Variants in TRIO observed in about 807,000 individuals in gnomAD.
The protein encoded by TRIO is trio Rho guanine nucleotide exchange factor.
TRIO carries 58 observed loss-of-function variants against 351.9 expected under a neutral mutation model. The ratio of observed to expected loss-of-function variants is 0.16; its 90% CI spans 0.13 to 0.21. The LOEUF (loss-of-function observed/expected upper bound fraction) is 0.21, where lower values mean the gene tolerates loss of function less well. TRIO is among the 10% of genes least tolerant of loss of function. The pLI, the probability that TRIO is intolerant of heterozygous loss-of-function variation, is 1.00. For missense variants in TRIO, 3,201 were observed against 4,027.8 expected (o/e 0.79, Z 5.56); for synonymous variants, 1,758 against 1,595.7 (o/e 1.10, Z -2.42).
rs77802552 is a variant in TRIO at position 14,448,165 on chromosome 5, C to T, written c.5204-12854C>T. 1.1e-3 allele frequency among the ~76,000 whole-genome samples: 173 copies of T among 152,210 alleles called. 1 individual carries two copies. The highest frequency in any genetic ancestry group is 3.7e-3 in the African/African-American group (152 of 41,524). ...ATAATCTTTCTTTGTATGAGTAATA[C>T]GAATCTTGGGTAATTTTGTGAAAAG... On this transcript the variant is annotated intron_variant, in intron 34 of 56. Transcript: ENST00000344204.
chr5:14,395,035 A>G (rs1350463247), intron 28 of TRIO, among the ~76,000 whole-genome samples: 2 of 152,208 alleles, frequency 1.3e-5, no homozygotes, highest in Admixed American at 6.5e-5. Flanking sequence ...GGACTGCCCT[A>G]GGCTCGACAA....
At chr5:14,465,186 T>G (rs1180085913) in intron 36 of TRIO, among the ~76,000 whole-genome samples, 24 of 152,180 alleles carry the variant, frequency 1.6e-4, no homozygotes, top group Middle Eastern at 3.2e-3. Context: ...TAGGTCAGAT[T>G]CTCTATTCCT....
intron 1 of TRIO, among the ~76,000 whole-genome samples, chr5:14,170,814 A>G (rs1198710676): frequency 6.6e-6 from 1 of 152,178 alleles, no homozygotes; most frequent in Non-Finnish European, 1.5e-5. Flanking sequence ...TCGAGATGTA[A>G]TATATTCTCT....
In TRIO at chr5:14,369,495, A is replaced by G; in HGVS notation, c.3188A>G (p.His1063Arg). Residue 1063 changes from histidine to arginine, a missense_variant, in exon 18 of 57, where the codon CAC becomes CGC. Coordinates refer to ENST00000344204, the MANE Select transcript of TRIO (RefSeq NM_007118.4). ...TDHVTPMISK[H>R]LEQKEAFLKA... Reference sequence around the variant, plus strand: ...CACGTGACGCCCATGATCAGCAAGCACCTGGAGCAGAAGGAGGCATTCCTG... The same window carrying G: ...CACGTGACGCCCATGATCAGCAAGCGCCTGGAGCAGAAGGAGGCATTCCTG... 1 of 1,614,074 alleles carries G rather than the reference A, an allele frequency of 6.2e-7. No individual in the cohort carries two copies. Among genetic ancestry groups the G allele is most frequent in the Non-Finnish European group, 8.5e-7 (1 of 1,180,018 alleles).
At chr5:14,144,958 C>T (rs1439608587) in intron 1 of TRIO, among the ~76,000 whole-genome samples, 2 of 151,978 alleles carry the variant, frequency 1.3e-5, no homozygotes, top group Admixed American at 6.5e-5. Flanking sequence ...CAGTCCTTAG[C>T]GGGCCGGGCA....
At chr5:14,183,880 C>T (rs958987703) in intron 1 of TRIO, 1 of 687,520 alleles carries the variant, frequency 1.5e-6, no homozygotes, top group African/African-American at 1.8e-5. Flanking sequence ...CAGATAGTGA[C>T]TGTTTTACTT....
intron 1 of TRIO, among the ~76,000 whole-genome samples, chr5:14,221,612 G>A (rs1407614692): frequency 6.6e-6 from 1 of 152,180 alleles, no homozygotes; most frequent in Non-Finnish European, 1.5e-5. Flanking sequence ...GCACTTCAGT[G>A]GAAGAAGTAA....
At chr5:14,488,424 GGC>G in intron 48 of TRIO, 164 bp downstream of exon 48, 2 of 1,040,660 alleles carry the variant, frequency 1.9e-6, no homozygotes, top group South Asian at 3.5e-5. Context: ...GCCGGCCCAC[GGC>G]GCTACTAACT....
chr5:14,293,927 T>C lies in TRIO; in HGVS notation c.1176+793T>C, dbSNP rs75773865. On this transcript the variant is annotated intron_variant, in intron 6 of 56. Coordinates refer to ENST00000344204, the MANE Select transcript of TRIO (RefSeq NM_007118.4). ...CTTTAAGCCAGCCTTGTGAGGATTG[T>C]CCACTCTTAAACCTTGTAACGTTTG... 2.0e-3 allele frequency among the ~76,000 whole-genome samples: 306 copies of C among 152,186 alleles called. 12 individuals are homozygous for C. The East Asian group carries it at 0.052, about 26-fold the overall frequency.
intron 11 of TRIO, among the ~76,000 whole-genome samples, chr5:14,349,882 T>G (rs1742890894): frequency 1.3e-5 from 2 of 152,306 alleles, no homozygotes; most frequent in South Asian, 4.1e-4. Context: ...CCTCCCAGCC[T>G]CCACCTTCAA....
At chr5:14,506,819 C>G (rs1404032649) in intron 55 of TRIO, among the ~76,000 whole-genome samples, 5 of 152,212 alleles carry the variant, frequency 3.3e-5, no homozygotes, top group African/African-American at 1.2e-4. Context: ...GCCTGCTGCA[C>G]CTGGCACTGC....
intron 1 of TRIO, among the ~76,000 whole-genome samples, chr5:14,237,711 C>T (rs191412626): frequency 2.6e-5 from 4 of 152,318 alleles, no homozygotes; most frequent in South Asian, 2.1e-4. Context: ...AATGCCTTAA[C>T]GCCCAGGCTC....
chr5:14,365,443 T>G (rs1322033035), intron 15 of TRIO, among the ~76,000 whole-genome samples: 4 of 152,144 alleles, frequency 2.6e-5, no homozygotes, highest in African/African-American at 9.7e-5. Context: ...CTCTGGACCA[T>G]GAGCAGGAGG....
In TRIO at chr5:14,497,035, C is replaced by G. The variant is rs2126677730; in HGVS notation, c.8019+18C>G. 1 of 1,613,228 alleles carries G rather than the reference C, an allele frequency of 6.2e-7. No homozygotes were observed. The highest frequency in any genetic ancestry group is 2.2e-5 in the East Asian group (1 of 44,860). Reference sequence around the variant, plus strand: ...CTGTGAAGGTGTGTTCGGGGGTCTTCAGGAGTCCGTGTCATCCCAGCATGA... The same window carrying G: ...CTGTGAAGGTGTGTTCGGGGGTCTTGAGGAGTCCGTGTCATCCCAGCATGA... On this transcript the variant is annotated intron_variant, in intron 50 of 56. Coordinates refer to ENST00000344204, the MANE Select transcript of TRIO (RefSeq NM_007118.4). This position sits in a 1 kb window ranked among gnomAD's most constrained non-coding sequence, Gnocchi z 4.4.
chr5:14,478,786 CAAAAAA>C (rs1187243670), intron 41 of TRIO, among the ~76,000 whole-genome samples: 5 of 94,970 alleles, frequency 5.3e-5, no homozygotes, highest in African/African-American at 2.0e-4. Flanking sequence ...TCCATCCCTA[CAAAAAA>C]AAAAAAAAAA....
Position 14,508,071 on chromosome 5 carries a change from C to G in TRIO, c.8943C>G (p.Leu2981=), listed in dbSNP as rs1169629817. The G allele has an allele frequency of 1.9e-6, 3 of 1,614,080 alleles. No homozygotes were observed. The highest frequency in any genetic ancestry group is 2.5e-6 in the Non-Finnish European group (3 of 1,180,038). Residue 2981 remains leucine, a synonymous_variant, in exon 57 of 57, where the codon CTC becomes CTG. Coordinates refer to ENST00000344204, the MANE Select transcript of TRIO (RefSeq NM_007118.4). The part of the protein sequence containing the change: ...LTSDTWSVGV[L]TYVLLSGVSP... ...CGGATACGTGGAGTGTTGGAGTGCT[C>G]ACATACGTACTTCTTAGTGGCGTGT...
intron 20 of TRIO, among the ~76,000 whole-genome samples, chr5:14,378,410 T>C (rs1020545192): frequency 6.6e-6 from 1 of 152,228 alleles, no homozygotes. Context: ...TATTTAAAAA[T>C]TATTGGGGAA....
At position 14,374,364 on chromosome 5, in the gene TRIO, C is replaced by T. The variant is rs571430788; in HGVS notation, c.3331+21C>T. The T allele has an allele frequency of 4.4e-6, 7 of 1,599,592 alleles. No homozygotes were observed. The South Asian group carries it at 5.6e-5, about 13-fold the overall frequency. On this transcript the variant is annotated intron_variant, in intron 19 of 56. Transcript: ENST00000344204. ...GAAAAGTGAGTAGAGCTGGGAGTCT[C>T]CAGGGGTGGCCCAGTGCATGCCTGG...
intron 1 of TRIO, among the ~76,000 whole-genome samples, chr5:14,153,915 A>T (rs112264993): frequency 1.1e-3 from 171 of 152,300 alleles, no homozygotes; most frequent in Middle Eastern, 3.4e-3. Context: ...CACCAAATAA[A>T]ACTTGAGTGA....
Sources: gnomAD v4.1 joint callset for allele counts (sites outside exome capture counted in the v4.1 genomes callset) on GRCh38, gnomAD v4.1.1 for gene constraint, Gnocchi (gnomAD v3.1) non-coding constraint, MANE v1.5 for transcripts, NCBI Gene and HGNC (gene_info 2026-07-23, HGNC 2026-07-21) for gene names.